The following NFATC2 variants were observed in gnomAD, a reference collection of about 807,000 sequenced individuals.
The protein encoded by NFATC2 is nuclear factor of activated T cells 2, also known as nuclear factor of activated T-cells, cytoplasmic 2.
In NFATC2, 22 loss-of-function variants were observed where a neutral mutation model predicts 87.3. That is an observed-to-expected ratio of 0.25 (90% confidence interval 0.18 to 0.36). NFATC2 has a LOEUF of 0.36. Ranked by LOEUF, NFATC2 falls within the 10% of genes least tolerant of loss-of-function variation. The pLI is 1.00. For synonymous variants in NFATC2, 565 were observed against 542.2 expected, an observed-to-expected ratio of 1.04 and a Z score of -0.58; for missense variants, 1,149 against 1,259.1, an observed-to-expected ratio of 0.91 and a Z score of 1.32.
At chr20:51,440,351 A>T (rs1984164203) in intron 6 of NFATC2, among the ~76,000 whole-genome samples, 1 of 152,104 alleles carries the variant, frequency 6.6e-6, no homozygotes, top group Admixed American at 6.5e-5. Context: ...ATATTCCACA[A>T]TGTGTCAATA....
chr20:51,391,945 A>G (rs540254529), intron 10 of NFATC2, among the ~76,000 whole-genome samples: 1 of 152,360 alleles, frequency 6.6e-6, no homozygotes, highest in Non-Finnish European at 1.5e-5. Flanking sequence ...TCTGTTAGTG[A>G]AAATTGCTCA....
Position 51,523,438 on chromosome 20 carries a change from G to A in NFATC2, c.803C>T (p.Ser268Leu), listed in dbSNP as rs2076485672. 3.7e-6 allele frequency: 6 copies of A among 1,608,756 alleles called. No individual in the cohort carries two copies. The highest frequency in any genetic ancestry group is 4.2e-6 in the Non-Finnish European group (5 of 1,177,438). Reference protein sequence around the residue: ...EALVALPPGASPQRSRSPSPQ... With the variant: ...EALVALPPGALPQRSRSPSPQ... The stretch of plus-strand genomic sequence containing the variant: ...CGAGGGGCTCCGGGAGCGCTGGGGT[G>A]AGGCTCCGGGCGGCAGGGCAACCAA... The change falls in exon 2 of 11, where the codon TCA (serine) becomes TTA (leucine). Residue 268 changes from serine to leucine, a missense_variant. By Grantham distance (145) the Ser-to-Leu change is moderately radical (BLOSUM62 -2). Coordinates refer to ENST00000371564, the MANE Select transcript of NFATC2 (RefSeq NM_012340.5). This position sits in a 1 kb window ranked among gnomAD's most constrained non-coding sequence, Gnocchi z 6.9.
At chr20:51,452,346 C>A (rs1266861144) in intron 6 of NFATC2, among the ~76,000 whole-genome samples, 2 of 152,176 alleles carry the variant, frequency 1.3e-5, no homozygotes, top group Admixed American at 6.5e-5. Context: ...ACAGCTCCTC[C>A]TCTGCCACCT....
At position 51,549,312 on chromosome 20, in the gene NFATC2, G is replaced by T. The variant is rs369181647; in HGVS notation, c.70+13248C>A. Among the ~76,000 whole-genome samples the T allele has an allele frequency of 5.1e-3, 775 of 152,166 alleles. 5 individuals carry two copies. Among genetic ancestry groups the T allele is most frequent in the African/African-American group, 0.018 (732 of 41,480 alleles). ...TTTGAGATGGAGTTTTGCTCTTGTT[G>T]CCCAGGCTGGAGTGCAACGGTGCAA... On this transcript the variant is annotated intron_variant, in intron 1 of 10. Transcript: ENST00000414705.
rs1251885145 is a variant in NFATC2 at position 51,432,023 on chromosome 20, A to G, written c.2722+44T>C. The G allele has an allele frequency of 2.0e-6, 3 of 1,498,454 alleles. No homozygotes were observed. The highest frequency in any genetic ancestry group is 2.7e-6 in the Non-Finnish European group (3 of 1,120,078). The allele number at this position is 1,498,454 out of a possible 1,614,324, so 92.8% of individuals were successfully genotyped here. ...TGAACTTCCTGGGCAGAGATGCTTC[A>G]GGGCACCATCCTTACAGGCAGTGAC... On this transcript the variant is annotated intron_variant, in intron 9 of 10. Transcript: ENST00000371564. The surrounding 1 kb of genome is among the most constrained non-coding windows in gnomAD (Gnocchi z 4.6).
chr20:51,537,263 C>T (rs990287407), intron 1 of NFATC2, among the ~76,000 whole-genome samples: 2 of 85,732 alleles, frequency 2.3e-5, no homozygotes, highest in Non-Finnish European at 4.7e-5. Context: ...GTGGGGGGTG[C>T]AGGGGGTATG....
intron 6 of NFATC2, among the ~76,000 whole-genome samples, chr20:51,442,410 C>T (rs1041767458): frequency 2.6e-5 from 4 of 151,874 alleles, no homozygotes; most frequent in African/African-American, 4.8e-5. Flanking sequence ...CCAGCCTGGG[C>T]GACAAAGTGA....
chr20:51,397,517 G>A (rs1002364477), intron 10 of NFATC2, among the ~76,000 whole-genome samples: 4 of 152,162 alleles, frequency 2.6e-5, no homozygotes, highest in Admixed American at 6.5e-5. Flanking sequence ...AAAAGGCATC[G>A]CCCTTCGACA....
chr20:51,439,489 G>C (rs1425671427), intron 6 of NFATC2, among the ~76,000 whole-genome samples: 5 of 152,188 alleles, frequency 3.3e-5, no homozygotes, highest in Non-Finnish European at 5.9e-5. Context: ...TCTCCTCTGA[G>C]TTCCAGCCAC....
chr20:51,456,405 C>T (rs981145519), intron 5 of NFATC2, among the ~76,000 whole-genome samples: 1 of 152,132 alleles, frequency 6.6e-6, no homozygotes, highest in Non-Finnish European at 1.5e-5. Flanking sequence ...GCCAAGGATC[C>T]ATGGTGAAGC....
chr20:51,405,085 G>A (rs552883576), intron 9 of NFATC2, among the ~76,000 whole-genome samples: 3 of 152,294 alleles, frequency 2.0e-5, no homozygotes, highest in Admixed American at 6.5e-5. Flanking sequence ...TGGCCAGGAA[G>A]GCACCAAGCC....
chr20:51,455,411 G>A (rs1421477360), intron 5 of NFATC2, among the ~76,000 whole-genome samples: 1 of 151,826 alleles, frequency 6.6e-6, no homozygotes, highest in Non-Finnish European at 1.5e-5. Flanking sequence ...CTACTCAGCT[G>A]TCACCTCCTC....
At position 51,390,170 on chromosome 20, in the gene NFATC2, G is replaced by T. The variant is rs1340180476; in HGVS notation, c.*1326C>A. ...TGCAACCGAATAGAGCTCATTCAAA[G>T]TAAAGGATGCATTCGAGTAGATTTC... is the stretch of plus-strand genomic sequence containing the variant. On this transcript the variant is annotated 3_prime_UTR_variant, in exon 11 of 11. Transcript: ENST00000371564. 6.6e-6 allele frequency: 1 copy of T among 152,194 alleles called. No individual in the cohort carries two copies. The highest frequency in any genetic ancestry group is 1.5e-5 in the Non-Finnish European group (1 of 68,038). 9.4% of individuals were successfully genotyped at this position (152,194 alleles called of 1,614,324 possible).
chr20:51,441,937 G>A (rs1370806091), intron 6 of NFATC2, among the ~76,000 whole-genome samples: 1 of 152,140 alleles, frequency 6.6e-6, no homozygotes, highest in Non-Finnish European at 1.5e-5. Flanking sequence ...GGTGGGTATT[G>A]AAGTTTTTTG....
intron 6 of NFATC2, among the ~76,000 whole-genome samples, chr20:51,439,213 TGAGC>T (rs1197073207): frequency 6.6e-6 from 1 of 152,202 alleles, no homozygotes; most frequent in Non-Finnish European, 1.5e-5. Flanking sequence ...CTGAGTCTTA[TGAGC>T]GCTCACTACA....
chr20:51,404,782 C>T (rs1039746618), intron 9 of NFATC2, among the ~76,000 whole-genome samples: 2 of 152,222 alleles, frequency 1.3e-5, no homozygotes, highest in South Asian at 2.1e-4. Flanking sequence ...CCAGGCCTCA[C>T]TGCGCCCTAG....
intron 6 of NFATC2, among the ~76,000 whole-genome samples, chr20:51,452,236 T>C (rs557470447): frequency 6.6e-6 from 1 of 152,250 alleles, no homozygotes; most frequent in African/African-American, 2.4e-5. Context: ...GACCTCGGGC[T>C]CTGTGACCTT....
intron 10 of NFATC2, among the ~76,000 whole-genome samples, chr20:51,394,444 A>G (rs1986763994): frequency 1.3e-5 from 2 of 152,004 alleles, no homozygotes; most frequent in Admixed American, 6.6e-5. Context: ...TCTGGGTAGC[A>G]TCATGTTTTC....
intron 6 of NFATC2, among the ~76,000 whole-genome samples, chr20:51,447,445 G>A (rs558073060): frequency 6.6e-6 from 1 of 152,334 alleles, no homozygotes; most frequent in South Asian, 2.1e-4. Flanking sequence ...CTGGGGGCCT[G>A]AATTAAGAAG....
Sources: gnomAD v4.1 joint callset for allele counts (sites outside exome capture counted in the v4.1 genomes callset) on GRCh38, gnomAD v4.1.1 for gene constraint, Gnocchi (gnomAD v3.1) non-coding constraint, MANE v1.5 for transcripts, NCBI Gene and HGNC (gene_info 2026-07-23, HGNC 2026-07-21) for gene names.